MKLN1: variants seen among roughly 807,000 people sequenced by gnomAD.
The protein encoded by MKLN1 is muskelin 1.
A neutral mutation model predicts 99.0 loss-of-function variants in MKLN1; 18 were observed. The ratio of observed to expected loss-of-function variants is 0.18; its 90% CI spans 0.13 to 0.27. The LOEUF is 0.27. Among genes scored for constraint, MKLN1 ranks in the 10% least tolerant of loss-of-function variants. The pLI is 1.00. For missense variants in MKLN1, 621 were observed against 875.9 expected (o/e 0.71, Z 3.67); for synonymous variants, 288 against 293.2 (o/e 0.98, Z 0.18).
At chr7:131,339,408 A>G (rs1799340672) in intron 1 of MKLN1, among the ~76,000 whole-genome samples, 1 of 152,198 alleles carries the variant, frequency 6.6e-6, no homozygotes, top group Non-Finnish European at 1.5e-5. Flanking sequence ...TTATAAGGTT[A>G]AGAAATTGAG....
intron 3 of MKLN1, among the ~76,000 whole-genome samples, chr7:131,284,744 C>T (rs541370406): frequency 6.6e-6 from 1 of 152,268 alleles, no homozygotes; most frequent in East Asian, 1.9e-4. Flanking sequence ...TCGCTTAGGG[C>T]AAGGTGCCTG....
intron 2 of MKLN1, among the ~76,000 whole-genome samples, chr7:131,166,578 A>G (rs1796128370): frequency 6.6e-6 from 1 of 152,128 alleles, no homozygotes; most frequent in South Asian, 2.1e-4. Flanking sequence ...ATTGCCCGAC[A>G]TGGGTCTGTC....
intron 2 of MKLN1, among the ~76,000 whole-genome samples, chr7:131,384,895 A>T (rs1027682936): frequency 2.0e-5 from 3 of 152,268 alleles, no homozygotes; most frequent in Admixed American, 2.0e-4. Flanking sequence ...AAAATCACAC[A>T]TAATATAAAG....
In MKLN1 at chr7:131,258,916, T is replaced by C. The variant is rs528821079; in HGVS notation, c.-179+55942T>C. Among the ~76,000 whole-genome samples, 373 of 152,222 alleles carry C rather than the reference T, an allele frequency of 2.5e-3. 2 individuals are homozygous for C. Among genetic ancestry groups the C allele is most frequent in the African/African-American group, 8.4e-3 (347 of 41,508 alleles). The stretch of plus-strand genomic sequence containing the variant: ...TGCCTTTGATGAAAATAATCCCTTT[T>C]CCCTCTTTTTAGCTCCCAGAAATGC... On this transcript the variant is annotated intron_variant, in intron 3 of 7. Transcript: ENST00000416992.
intron 14 of MKLN1, among the ~76,000 whole-genome samples, chr7:131,465,449 T>G (rs549168502): frequency 6.6e-6 from 1 of 152,238 alleles, no homozygotes; most frequent in Non-Finnish European, 1.5e-5. Context: ...TTTTTGGTAT[T>G]GAATTATGGA....
intron 2 of MKLN1, among the ~76,000 whole-genome samples, chr7:131,165,786 G>A (rs1431043540): frequency 5.9e-5 from 9 of 152,150 alleles, no homozygotes; most frequent in Admixed American, 5.2e-4. Flanking sequence ...GTACGAGGGT[G>A]AGCAGAAAGG....
chr7:131,392,939 G>A (rs962095308), intron 4 of MKLN1, among the ~76,000 whole-genome samples: 1 of 150,428 alleles, frequency 6.6e-6, no homozygotes, highest in African/African-American at 2.5e-5. Context: ...GCAGAGTCTT[G>A]CTCTGTTGCT....
Position 131,268,817 on chromosome 7 carries a change from T to C in MKLN1, c.-179+65843T>C, listed in dbSNP as rs1469208504. On this transcript the variant is annotated intron_variant, in intron 3 of 7. Transcript: ENST00000416992. ...GAGCAGGCAGACAGTGCTGTTCTTGTATGTCGTCAAAGATGTGGAAAATAA... is the reference window on the plus strand; with the variant it reads ...GAGCAGGCAGACAGTGCTGTTCTTGCATGTCGTCAAAGATGTGGAAAATAA... Among the ~76,000 whole-genome samples, 3 of 152,328 alleles carry C rather than the reference T, an allele frequency of 2.0e-5. No homozygotes were observed. The East Asian group carries it at 5.8e-4, about 29-fold the overall frequency.
At chr7:131,302,568 G>A (rs1228673252) in intron 3 of MKLN1, among the ~76,000 whole-genome samples, 1 of 152,190 alleles carries the variant, frequency 6.6e-6, no homozygotes, top group Non-Finnish European at 1.5e-5. Flanking sequence ...TCGTTTAGAT[G>A]TGGTAATTTG....
rs536718599 is a variant in MKLN1 at position 131,317,980 on chromosome 7, A to G, written c.-178-57444A>G. On this transcript the variant is annotated intron_variant, in intron 3 of 7. Coordinates refer to the MKLN1 transcript ENST00000416992. ...TAAAACAAGTTCTTAGAGACCTATAAAGAGACTTAGACTCCCACACAATAA... is the reference window on the plus strand; with the variant it reads ...TAAAACAAGTTCTTAGAGACCTATAGAGAGACTTAGACTCCCACACAATAA... Among the ~76,000 whole-genome samples the G allele has an allele frequency of 2.0e-5, 3 of 152,272 alleles. No individual in the cohort carries two copies. The East Asian group carries it at 5.8e-4, about 29-fold the overall frequency.
chr7:131,265,964 A>G (rs1463480304), intron 3 of MKLN1, among the ~76,000 whole-genome samples: 2 of 152,164 alleles, frequency 1.3e-5, no homozygotes, highest in Non-Finnish European at 2.9e-5. Flanking sequence ...ACATGAGGCC[A>G]GGAGTCTGAG....
intron 3 of MKLN1, among the ~76,000 whole-genome samples, chr7:131,282,665 C>A (rs1798069667): frequency 6.6e-6 from 1 of 151,972 alleles, no homozygotes; most frequent in Non-Finnish European, 1.5e-5. Flanking sequence ...TTCTTATTTC[C>A]TTTTCTCCCT....
intron 1 of MKLN1, among the ~76,000 whole-genome samples, chr7:131,345,512 T>C (rs761904257): frequency 1.3e-5 from 2 of 152,114 alleles, no homozygotes; most frequent in South Asian, 4.1e-4. Flanking sequence ...AGTCCAGAAG[T>C]TGGAGAATAG....
intron 3 of MKLN1, among the ~76,000 whole-genome samples, chr7:131,223,170 A>G (rs1352408109): frequency 6.6e-6 from 1 of 152,198 alleles, no homozygotes; most frequent in Non-Finnish European, 1.5e-5. Context: ...GTTTATAGGG[A>G]TTCTTCCCCA....
intron 2 of MKLN1, among the ~76,000 whole-genome samples, chr7:131,192,239 A>G (rs1361023352): frequency 2.1e-5 from 2 of 93,474 alleles, no homozygotes. Context: ...CAATATATAA[A>G]TATATAAAAT....
intron 3 of MKLN1, among the ~76,000 whole-genome samples, chr7:131,238,322 G>A (rs10279524): frequency 0.16 from 23,609 of 152,152 alleles, 2,124 homozygotes; most frequent in African/African-American, 0.25. Flanking sequence ...GACTGATATA[G>A]TAGTGAATTA....
chr7:131,428,979 G>A, intron 8 of MKLN1, 54 bp from the exon 9 acceptor site: 6 of 1,437,990 alleles, frequency 4.2e-6, no homozygotes, highest in Non-Finnish European at 5.9e-6. Flanking sequence ...AGGTTTGGGT[G>A]CTTATGCTTA....
chr7:131,125,619 CCAA>C (rs1342440436), intron 1 of MKLN1, among the ~76,000 whole-genome samples: 4 of 152,262 alleles, frequency 2.6e-5, no homozygotes, highest in Non-Finnish European at 4.4e-5. Flanking sequence ...ACCTGTAATC[CCAA>C]CACTTTGAGA....
At chr7:131,421,556 G>A (rs958659211) in intron 8 of MKLN1, among the ~76,000 whole-genome samples, 3 of 152,056 alleles carry the variant, frequency 2.0e-5, no homozygotes, top group African/African-American at 7.2e-5. Flanking sequence ...TTAAAATGGT[G>A]ATAATAAACT....
Sources: gnomAD v4.1 joint callset for allele counts (sites outside exome capture counted in the v4.1 genomes callset) on GRCh38, gnomAD v4.1.1 for gene constraint, MANE v1.5 for transcripts, NCBI Gene and HGNC (gene_info 2026-07-23, HGNC 2026-07-21) for gene names.